Variants in SPIDR observed in about 807,000 individuals in gnomAD.
SPIDR encodes scaffold protein involved in DNA repair.
Under a neutral mutation model 104.6 loss-of-function variants are expected in SPIDR, and 93 were observed. The observed-to-expected ratio is 0.89, with a 90% CI of 0.75 to 1.06. The LOEUF is 1.06. SPIDR is among the 50% of genes least tolerant of loss of function. The probability of loss-of-function intolerance (pLI) is 0.00; values close to 1 mark genes in which losing one functional copy is unlikely to be tolerated. For synonymous variants in SPIDR, 431 were observed against 416.9 expected, an observed-to-expected ratio of 1.03 and a Z score of -0.41; for missense variants, 1,154 against 1,111.2, an observed-to-expected ratio of 1.04 and a Z score of -0.55.
At chr8:47,477,130 A>T (rs2076378237) in intron 8 of SPIDR, among the ~76,000 whole-genome samples, 1 of 152,140 alleles carries the variant, frequency 6.6e-6, no homozygotes, top group African/African-American at 2.4e-5. Context: ...GATTAAAAAC[A>T]CTTCAGGGCC....
intron 10 of SPIDR, among the ~76,000 whole-genome samples, chr8:47,646,364 A>ATG (rs746861322): frequency 4.5e-4 from 68 of 152,154 alleles, no homozygotes; most frequent in Non-Finnish European, 7.5e-4. Flanking sequence ...GTATATACAG[A>ATG]TGTGTGTGTG....
At chr8:47,389,752 A>T (rs2154306178) in intron 5 of SPIDR, among the ~76,000 whole-genome samples, 1 of 151,416 alleles carries the variant, frequency 6.6e-6, no homozygotes, top group Non-Finnish European at 1.5e-5. Flanking sequence ...ACATTGGGTC[A>T]CCATGTGGCA....
chr8:47,619,527 C>T (rs566537345), intron 10 of SPIDR, among the ~76,000 whole-genome samples: 5 of 152,040 alleles, frequency 3.3e-5, no homozygotes, highest in South Asian at 4.2e-4. Flanking sequence ...TTGGAACTGA[C>T]GCTTCCTCTC....
intron 8 of SPIDR, among the ~76,000 whole-genome samples, chr8:47,549,681 G>T (rs1297904983): frequency 2.6e-5 from 4 of 152,096 alleles, no homozygotes; most frequent in Admixed American, 2.6e-4. Flanking sequence ...TTTCAGATGA[G>T]TAGATTGCAA....
In SPIDR at chr8:47,272,574, G is replaced by A. The variant is rs775624270; in HGVS notation, c.34-7288G>A. Among the ~76,000 whole-genome samples the A allele has an allele frequency of 2.0e-3, 305 of 152,250 alleles. 2 individuals are homozygous for A. Among genetic ancestry groups the A allele is most frequent in the Non-Finnish European group, 1.9e-3 (126 of 68,022 alleles). On this transcript the variant is annotated intron_variant, in intron 1 of 19. Transcript: ENST00000297423. ...GGGACTCTGTTGAGACATATGCTTT[G>A]GCAATTTGTAATGCCAGTTTAACCT...
At position 47,650,413 on chromosome 8, in the gene SPIDR, A is replaced by C. The variant is rs2071402240; in HGVS notation, c.1545-23388A>C. Among the ~76,000 whole-genome samples, 4 of 152,336 alleles carry C rather than the reference A, an allele frequency of 2.6e-5. No individual in the cohort carries two copies. The South Asian group carries it at 8.3e-4, about 32-fold the overall frequency. ...ATATACTTAACCAAGGAGGTGAAAG[A>C]TAAAGAGAACCGGAAAACACTGCTG... On this transcript the variant is annotated intron_variant, in intron 10 of 19. Transcript: ENST00000297423.
intron 8 of SPIDR, among the ~76,000 whole-genome samples, chr8:47,529,087 T>C (rs187581649): frequency 7.0e-4 from 107 of 152,304 alleles, no homozygotes; most frequent in Middle Eastern, 3.4e-3. Context: ...AGACTTCCCT[T>C]CAGAAATCTT....
intron 14 of SPIDR, among the ~76,000 whole-genome samples, chr8:47,709,148 T>G (rs1479629143): frequency 1.3e-5 from 2 of 151,970 alleles, no homozygotes; most frequent in East Asian, 3.9e-4. Flanking sequence ...AATTTTTGTT[T>G]GTTTGTTTTT....
chr8:47,456,175 ATATGGAGATAGAGCCTTTAAAGAGGTAAT>A (rs1554709692), intron 8 of SPIDR, among the ~76,000 whole-genome samples: 1 of 152,196 alleles, frequency 6.6e-6, no homozygotes, highest in Non-Finnish European at 1.5e-5. Context: ...ACCTCAGGCT[ATATGGAGATAGAGCCTTTAAAGAGGTAAT>A]TAAGGTTAGA....
intron 8 of SPIDR, among the ~76,000 whole-genome samples, chr8:47,573,661 C>G (rs2058765044): frequency 6.6e-6 from 1 of 152,220 alleles, no homozygotes; most frequent in South Asian, 2.1e-4. Flanking sequence ...ACTGCAGCCT[C>G]TGGTAGCTGT....
At chr8:47,721,423 C>T (rs1162875165) in intron 16 of SPIDR, among the ~76,000 whole-genome samples, 2 of 151,860 alleles carry the variant, frequency 1.3e-5, no homozygotes, top group African/African-American at 4.8e-5. Flanking sequence ...GGTCTGTGTT[C>T]CCTTGATCTA....
intron 5 of SPIDR, among the ~76,000 whole-genome samples, chr8:47,377,129 C>T (rs1304095011): frequency 6.6e-6 from 1 of 152,174 alleles, no homozygotes; most frequent in African/African-American, 2.4e-5. Flanking sequence ...TTCATTTAAC[C>T]CTAAATGGCT....
chr8:47,559,635 G>T (rs2056823831), intron 8 of SPIDR, among the ~76,000 whole-genome samples: 1 of 152,188 alleles, frequency 6.6e-6, no homozygotes, highest in Non-Finnish European at 1.5e-5. Flanking sequence ...AGGAGTCTCA[G>T]GTATGGCTTG....
chr8:47,655,044 A>G lies in SPIDR; in HGVS notation c.1545-18757A>G, dbSNP rs192330618. 1.7e-4 allele frequency among the ~76,000 whole-genome samples: 26 copies of G among 152,306 alleles called. 1 individual carries two copies. Among genetic ancestry groups the G allele is most frequent in the African/African-American group, 6.0e-4 (25 of 41,562 alleles). ...TTCCAGCTTCATCCATGTCCCTACA[A>G]AGGACATAAACTCATCCTTTTTTAT... On this transcript the variant is annotated intron_variant, in intron 10 of 19. Coordinates refer to ENST00000297423, the MANE Select transcript of SPIDR (RefSeq NM_001080394.4).
Position 47,352,834 on chromosome 8 carries a change from C to T in SPIDR, c.526-43542C>T, listed in dbSNP as rs374024878. Among the ~76,000 whole-genome samples, 11 of 151,932 alleles carry T rather than the reference C, an allele frequency of 7.2e-5. No individual in the cohort carries two copies. The South Asian group carries it at 1.9e-3, about 26-fold the overall frequency. ...ATCTCAATGCTTTGGTAGGCCGAGT[C>T]GATGAGGTTGAGAGATCGAGACCAT... On this transcript the variant is annotated intron_variant, in intron 5 of 19. Coordinates refer to ENST00000297423, the MANE Select transcript of SPIDR (RefSeq NM_001080394.4).
At chr8:47,309,213 G>C (rs1489526516) in intron 5 of SPIDR, among the ~76,000 whole-genome samples, 1 of 152,134 alleles carries the variant, frequency 6.6e-6, no homozygotes, top group Admixed American at 6.5e-5. Context: ...TCTTAGTCAA[G>C]CTTTTTGTAT....
chr8:47,529,961 A>G (rs1036959494), intron 8 of SPIDR, among the ~76,000 whole-genome samples: 5 of 152,188 alleles, frequency 3.3e-5, no homozygotes, highest in Non-Finnish European at 5.9e-5. Flanking sequence ...ATCATATATC[A>G]CTTAATGATG....
chr8:47,335,571 C>T (rs1385945286), intron 5 of SPIDR, among the ~76,000 whole-genome samples: 1 of 152,212 alleles, frequency 6.6e-6, no homozygotes, highest in Non-Finnish European at 1.5e-5. Context: ...TTGCCTCAGC[C>T]TCCCGAGTAG....
At chr8:47,543,071 G>A (rs1446374747) in intron 8 of SPIDR, among the ~76,000 whole-genome samples, 1 of 152,134 alleles carries the variant, frequency 6.6e-6, no homozygotes, top group Admixed American at 6.5e-5. Context: ...ATATCAGTTT[G>A]TTTAACTATT....
Sources: gnomAD v4.1 joint callset for allele counts (sites outside exome capture counted in the v4.1 genomes callset) on GRCh38, gnomAD v4.1.1 for gene constraint, MANE v1.5 for transcripts, NCBI Gene and HGNC (gene_info 2026-07-23, HGNC 2026-07-21) for gene names.